Variants in FBXW4 observed in about 807,000 individuals in gnomAD.
FBXW4 encodes the protein F-box/WD repeat-containing protein 4.
In FBXW4, 40 loss-of-function variants were observed where a neutral mutation model predicts 61.8. The ratio of observed to expected loss-of-function variants is 0.65; its 90% CI spans 0.50 to 0.84. The LOEUF (loss-of-function observed/expected upper bound fraction) is 0.84. FBXW4 is among the 40% of genes least tolerant of loss of function. The pLI, the probability that FBXW4 is intolerant of heterozygous loss-of-function variation, is 0.00. For missense variants in FBXW4, 672 were observed against 753.8 expected (o/e 0.89, Z 1.27); for synonymous variants, 311 against 313.8 (o/e 0.99, Z 0.10).
chr10:101,615,149 A>C (rs1337496856), intron 6 of FBXW4, among the ~76,000 whole-genome samples: 5 of 152,132 alleles, frequency 3.3e-5, no homozygotes, highest in African/African-American at 1.2e-4. Context: ...CTCTGGAAAG[A>C]ATGTTAAGAA....
chr10:101,694,336 G>C lies in FBXW4; in HGVS notation c.725+45C>G. On this transcript the variant is annotated intron_variant, in intron 1 of 8. Coordinates refer to ENST00000331272, the MANE Select transcript of FBXW4 (RefSeq NM_022039.4). The surrounding 1 kb of genome is among the most constrained non-coding windows in gnomAD (Gnocchi z 6.0). ...GGCGCCCCGCCCTTTCCCGGGACGC[G>C]GGGCCGGCTCGGGGCGGGGAGCGGG... is the stretch of plus-strand genomic sequence containing the variant. 2.2e-6 allele frequency: 3 copies of C among 1,337,924 alleles called. No individual in the cohort carries two copies. The highest frequency in any genetic ancestry group is 2.9e-6 in the Non-Finnish European group (3 of 1,050,826). The allele number at this position is 1,337,924 out of a possible 1,614,324, so 82.9% of individuals were successfully genotyped here. A position where few individuals can be genotyped will look rare whatever the true frequency, so the allele number is the denominator to read the frequency against.
chr10:101,672,796 G>T (rs2064369857), intron 4 of FBXW4, 119 bp downstream of exon 4: 11 of 1,231,742 alleles, frequency 8.9e-6, no homozygotes, highest in Non-Finnish European at 1.2e-5. Context: ...CCTTTATTGT[G>T]TCGTTTTCTC....
At position 101,694,550 on chromosome 10, in the gene FBXW4, G is replaced by A. The variant is rs1437346012; in HGVS notation, c.556C>T (p.Leu186=). ...RPAAGPALWR[L]PEELLLLICS... ...ATGAGCAGCAGCAGCTCCTCCGGCA[G>A]GCGCCAGAGCGCAGGCCCCGCGGCC... Residue 186 remains leucine (L), a synonymous_variant, in exon 1 of 9, where the codon CTG becomes TTG. Coordinates refer to ENST00000331272, the MANE Select transcript of FBXW4 (RefSeq NM_022039.4). The surrounding 1 kb of genome is among the most constrained non-coding windows in gnomAD (Gnocchi z 6.0). The A allele has an allele frequency of 3.9e-5, 58 of 1,490,752 alleles. No individual in the cohort carries two copies. The East Asian group carries it at 1.6e-3, about 41-fold the overall frequency. 92.3% of individuals were successfully genotyped at this position (1,490,752 alleles called of 1,614,324 possible).
intron 5 of FBXW4, chr10:101,660,264 GACTGCA>G (rs1374534294): frequency 2.1e-6 from 2 of 962,242 alleles, no homozygotes; most frequent in African/African-American, 4.0e-5. Flanking sequence ...TTGAACCTCC[GACTGCA>G]ACACAGATTA....
intron 6 of FBXW4, among the ~76,000 whole-genome samples, chr10:101,614,611 G>A (rs1242766394): frequency 1.3e-5 from 2 of 152,214 alleles, no homozygotes; most frequent in Non-Finnish European, 2.9e-5. Flanking sequence ...CGCACAGCCT[G>A]GCAGGGGCTG....
At chr10:101,682,490 G>A (rs187386743) in intron 1 of FBXW4, among the ~76,000 whole-genome samples, 11 of 152,264 alleles carry the variant, frequency 7.2e-5, no homozygotes, top group Admixed American at 2.6e-4. Flanking sequence ...GGAAGAAACT[G>A]TTTACAGTTA....
intron 6 of FBXW4, among the ~76,000 whole-genome samples, chr10:101,614,427 C>A (rs1180916656): frequency 6.6e-6 from 1 of 152,178 alleles, no homozygotes; most frequent in Admixed American, 6.5e-5. Flanking sequence ...GGCTGCCAAG[C>A]TGGGCCCCTA....
intron 5 of FBXW4, chr10:101,626,358 A>G (rs1164798173): frequency 3.9e-5 from 6 of 152,682 alleles, no homozygotes; most frequent in African/African-American, 2.4e-5. Flanking sequence ...ATTTAGGGTA[A>G]TCCATTAATA....
At chr10:101,639,736 T>C (rs1018581248) in intron 5 of FBXW4, among the ~76,000 whole-genome samples, 36 of 152,162 alleles carry the variant, frequency 2.4e-4, no homozygotes, top group African/African-American at 8.2e-4. Flanking sequence ...TGGAATAAGC[T>C]GGTCAGCTTG....
chr10:101,682,396 G>T (rs1005809045), intron 1 of FBXW4, among the ~76,000 whole-genome samples: 1 of 151,826 alleles, frequency 6.6e-6, no homozygotes, highest in African/African-American at 2.4e-5. Context: ...AACAGGATGG[G>T]CCAAAGGAAC....
At chr10:101,646,727 G>A (rs2064101922) in intron 5 of FBXW4, among the ~76,000 whole-genome samples, 1 of 152,204 alleles carries the variant, frequency 6.6e-6, no homozygotes, top group South Asian at 2.1e-4. Flanking sequence ...TCACTACCCA[G>A]CAAATAAAGC....
At chr10:101,637,400 A>G (rs962246856) in intron 5 of FBXW4, among the ~76,000 whole-genome samples, 1 of 145,142 alleles carries the variant, frequency 6.9e-6, no homozygotes, top group Non-Finnish European at 1.5e-5. Context: ...TCAAAAAAAA[A>G]AAAAAAAAAA....
chr10:101,618,408 G>C (rs796178456), intron 6 of FBXW4, among the ~76,000 whole-genome samples: 58 of 152,314 alleles, frequency 3.8e-4, no homozygotes, highest in African/African-American at 1.3e-3. Context: ...AGGCACAGAG[G>C]GGGTATTCTG....
rs145813139 is a variant in FBXW4, at chr10:101,645,356, A to G, written c.1236-20546T>C. Among the ~76,000 whole-genome samples, 357 of 152,348 alleles carry G rather than the reference A, an allele frequency of 2.3e-3. 1 individual carries two copies. The highest frequency in any genetic ancestry group is 6.8e-3 in the Middle Eastern group (2 of 294). On this transcript the variant is annotated intron_variant, in intron 5 of 8. Coordinates refer to ENST00000331272, the MANE Select transcript of FBXW4 (RefSeq NM_022039.4). ...TGAAGATTCATGAAACGGTTTGCTC[A>G]GAACAACTGGCTTGGCTCCCCAGTC...
At chr10:101,654,342 G>A (rs1199024144) in intron 5 of FBXW4, among the ~76,000 whole-genome samples, 1 of 151,914 alleles carries the variant, frequency 6.6e-6, no homozygotes, top group Non-Finnish European at 1.5e-5. Flanking sequence ...TCATGGAATT[G>A]TACACTTAAA....
At chr10:101,635,842 G>GA (rs764437277) in intron 5 of FBXW4, among the ~76,000 whole-genome samples, 35,757 of 120,822 alleles carry the variant, frequency 0.3, 4,762 homozygotes, top group Non-Finnish European at 0.34. Flanking sequence ...CCCGGTCTCA[G>GA]AAAAAAAAAA....
At chr10:101,681,460 G>T (rs1365629178) in intron 1 of FBXW4, among the ~76,000 whole-genome samples, 1 of 150,464 alleles carries the variant, frequency 6.6e-6, no homozygotes, top group Non-Finnish European at 1.5e-5. Context: ...GCTCACGCCT[G>T]TAATCCCAGC....
intron 5 of FBXW4, among the ~76,000 whole-genome samples, chr10:101,627,271 A>G (rs540607248): frequency 1.3e-5 from 2 of 152,192 alleles, no homozygotes; most frequent in East Asian, 3.9e-4. Context: ...TCTCTCACCT[A>G]ACCACTATGA....
At chr10:101,614,387 G>A (rs971099412) in intron 6 of FBXW4, among the ~76,000 whole-genome samples, 8 of 152,220 alleles carry the variant, frequency 5.3e-5, no homozygotes, top group Admixed American at 5.2e-4. Context: ...GCTGCACAGG[G>A]ACAGCAGTAT....
Sources: gnomAD v4.1 joint callset for allele counts (sites outside exome capture counted in the v4.1 genomes callset) on GRCh38, gnomAD v4.1.1 for gene constraint, Gnocchi (gnomAD v3.1) non-coding constraint, MANE v1.5 for transcripts, NCBI Gene and HGNC (gene_info 2026-07-23, HGNC 2026-07-21) for gene names.